The following RFTN1 variants were observed in gnomAD, a reference collection of about 807,000 sequenced individuals.
The protein encoded by RFTN1 is raftlin.
A neutral mutation model predicts 46.5 loss-of-function variants in RFTN1; 26 were observed. That is an observed-to-expected ratio of 0.56 (90% CI 0.41 to 0.78). RFTN1 has a LOEUF of 0.78. RFTN1 is among the 30% of genes least tolerant of loss of function. RFTN1 has a pLI of 0.00. For synonymous variants in RFTN1, 261 were observed against 284.2 expected (o/e 0.92, Z 0.82); for missense variants, 693 against 718.7 (o/e 0.96, Z 0.41).
chr3:16,441,426 T>C (rs1191720375), intron 2 of RFTN1, among the ~76,000 whole-genome samples: 1 of 152,218 alleles, frequency 6.6e-6, no homozygotes, highest in Admixed American at 6.5e-5. Context: ...GACTATGTTT[T>C]GTTTAGCAAA....
intron 2 of RFTN1, among the ~76,000 whole-genome samples, chr3:16,434,277 A>C (rs1181769620): frequency 6.6e-6 from 1 of 152,012 alleles, no homozygotes; most frequent in Non-Finnish European, 1.5e-5. Flanking sequence ...TAATCCCAGC[A>C]CTCTGAGAGG....
chr3:16,441,536 A>G (rs1253458379), intron 2 of RFTN1, among the ~76,000 whole-genome samples: 1 of 152,174 alleles, frequency 6.6e-6, no homozygotes, highest in Non-Finnish European at 1.5e-5. Flanking sequence ...GATTATTGGG[A>G]AAGTATCAGC....
Position 16,433,962 on chromosome 3 carries a change from T to A in RFTN1, c.221A>T (p.Gln74Leu), listed in dbSNP as rs932017170. ...DLPAQLLELY[Q>L]QGFSLAALHP... Reference sequence around the variant, plus strand: ...CAGGGCCGCCAGCGAGAAGCCCTGCTGGTACAGCTCCAGGAGCTGGGCGGG... The same window carrying A: ...CAGGGCCGCCAGCGAGAAGCCCTGCAGGTACAGCTCCAGGAGCTGGGCGGG... Residue 74 changes from glutamine (Q) to leucine (L), a missense_variant, in exon 3 of 10, where the codon CAG (glutamine) becomes CTG (leucine). Transcript: ENST00000334133. The surrounding 1 kb of genome is among the most constrained non-coding windows in gnomAD (Gnocchi z 4.4). 2 of 1,614,062 alleles carry A rather than the reference T, an allele frequency of 1.2e-6. No individual in the cohort carries two copies. The highest frequency in any genetic ancestry group is 2.7e-5 in the African/African-American group (2 of 75,044).
intron 5 of RFTN1, among the ~76,000 whole-genome samples, chr3:16,372,174 A>C (rs2073538806): frequency 6.6e-6 from 1 of 152,218 alleles, no homozygotes; most frequent in African/African-American, 2.4e-5. Context: ...AGAGGGAAGG[A>C]GTAGGAATGG....
At chr3:16,406,797 TAA>T (rs2074867944) in intron 4 of RFTN1, among the ~76,000 whole-genome samples, 3 of 152,216 alleles carry the variant, frequency 2.0e-5, no homozygotes, top group African/African-American at 7.2e-5. Flanking sequence ...GCTGTTTCAC[TAA>T]AAGTCAGTTT....
chr3:16,487,992 T>G (rs1424096958), intron 2 of RFTN1, among the ~76,000 whole-genome samples: 1 of 152,228 alleles, frequency 6.6e-6, no homozygotes, highest in Non-Finnish European at 1.5e-5. Flanking sequence ...TTCCTGCTGC[T>G]TTCGCCTCTG....
intron 4 of RFTN1, among the ~76,000 whole-genome samples, chr3:16,401,302 C>T (rs1044498968): frequency 1.4e-5 from 2 of 139,924 alleles, no homozygotes; most frequent in Non-Finnish European, 3.0e-5. Flanking sequence ...CCAGCCTGGG[C>T]AACGGAATGA....
At chr3:16,464,097 C>A (rs755455472) in intron 2 of RFTN1, among the ~76,000 whole-genome samples, 1 of 152,138 alleles carries the variant, frequency 6.6e-6, no homozygotes, top group Non-Finnish European at 1.5e-5. Flanking sequence ...ATCTTTCGAA[C>A]CTCTCGTCCC....
chr3:16,365,041 T>C (rs1195049443), intron 6 of RFTN1, among the ~76,000 whole-genome samples: 1 of 152,262 alleles, frequency 6.6e-6, no homozygotes, highest in Non-Finnish European at 1.5e-5. Flanking sequence ...AAAAGTTTTT[T>C]TAAAGGTGTC....
At position 16,480,748 on chromosome 3, in the gene RFTN1, A is replaced by T. The variant is rs1016584586; in HGVS notation, c.145+12977T>A. On this transcript the variant is annotated intron_variant, in intron 2 of 9. Transcript: ENST00000334133. The surrounding 1 kb of genome is among the most constrained non-coding windows in gnomAD (Gnocchi z 4.3). ...GAGAAAGCTTAAAATTCTTTAACGC[A>T]ATATTGCTAATAATAATTAGTAGGG... Among the ~76,000 whole-genome samples, 2 of 152,232 alleles carry T rather than the reference A, an allele frequency of 1.3e-5. No individual in the cohort carries two copies. The highest frequency in any genetic ancestry group is 4.8e-5 in the African/African-American group (2 of 41,452).
rs955215899 is a variant in RFTN1, at chr3:16,336,713, G to A, written c.1147-9837C>T. Among the ~76,000 whole-genome samples, 3 of 151,914 alleles carry A rather than the reference G, an allele frequency of 2.0e-5. No individual in the cohort carries two copies. Among genetic ancestry groups the A allele is most frequent in the African/African-American group, 7.3e-5 (3 of 41,316 alleles). Reference sequence around the variant, plus strand: ...TTCTTAGATGCAGAAAAGGGTCAGAGGAAAATACATGTAGTGCATAAAAAG... The same window carrying A: ...TTCTTAGATGCAGAAAAGGGTCAGAAGAAAATACATGTAGTGCATAAAAAG... On this transcript the variant is annotated intron_variant, in intron 7 of 9. Coordinates refer to ENST00000334133, the MANE Select transcript of RFTN1 (RefSeq NM_015150.2). The surrounding 1 kb of genome is among the most constrained non-coding windows in gnomAD (Gnocchi z 6.0).
In RFTN1 at chr3:16,361,614, AG is replaced by A. The variant is rs1434078386; in HGVS notation, c.1031-3568del. Among the ~76,000 whole-genome samples, 1 of 152,200 alleles carries A rather than the reference AG, an allele frequency of 6.6e-6. No homozygotes were observed. Among genetic ancestry groups the A allele is most frequent in the African/African-American group, 2.4e-5 (1 of 41,458 alleles). ...AAGGGACAGCCAGCCTGACATGCAGAGTGAACGAAGGACAGCCAAGGACCAG... is the reference window on the plus strand; with the variant it reads ...AAGGGACAGCCAGCCTGACATGCAGATGAACGAAGGACAGCCAAGGACCAG... On this transcript the variant is annotated intron_variant, in intron 6 of 9. Transcript: ENST00000334133. The surrounding 1 kb of genome is among the most constrained non-coding windows in gnomAD (Gnocchi z 4.3).
chr3:16,415,003 G>C (rs921659087), intron 3 of RFTN1, among the ~76,000 whole-genome samples: 1 of 152,136 alleles, frequency 6.6e-6, no homozygotes, highest in East Asian at 1.9e-4. Flanking sequence ...GTGGAACAGA[G>C]AAGTGACATG....
At chr3:16,389,249 A>G (rs1198101170) in intron 4 of RFTN1, among the ~76,000 whole-genome samples, 1 of 152,250 alleles carries the variant, frequency 6.6e-6, no homozygotes, top group Non-Finnish European at 1.5e-5. Flanking sequence ...CTCCAGACCA[A>G]CAAAAATATA....
rs1452871159 is a variant in RFTN1 at position 16,422,135 on chromosome 3, A to G, written c.332+11716T>C. ...TTAGATAGTACATAGAATTTCCAGAATTATTATGAAGCTCTCAAATAAAAT... is the reference window on the plus strand; with the variant it reads ...TTAGATAGTACATAGAATTTCCAGAGTTATTATGAAGCTCTCAAATAAAAT... On this transcript the variant is annotated intron_variant, in intron 3 of 9. Transcript: ENST00000334133. The surrounding 1 kb of genome is among the most constrained non-coding windows in gnomAD (Gnocchi z 4.6). 6.6e-6 allele frequency among the ~76,000 whole-genome samples: 1 copy of G among 152,224 alleles called. No homozygotes were observed. The highest frequency in any genetic ancestry group is 1.5e-5 in the Non-Finnish European group (1 of 68,038).
chr3:16,375,732 C>G (rs1274535379), intron 5 of RFTN1, among the ~76,000 whole-genome samples: 2 of 152,190 alleles, frequency 1.3e-5, no homozygotes, highest in African/African-American at 2.4e-5. Flanking sequence ...TTTAATCCCT[C>G]CTCCTGGCCT....
intron 2 of RFTN1, chr3:16,454,764 C>G: frequency 1.0e-6 from 1 of 985,398 alleles, no homozygotes; most frequent in Non-Finnish European, 1.2e-6. Context: ...GTCAAGGCAC[C>G]ATCTAGCACT....
chr3:16,446,491 C>G lies in RFTN1; in HGVS notation c.146-12454G>C, dbSNP rs1468806536. Reference sequence around the variant, plus strand: ...CACTTTCAGGTCACCAACTATCCTTCTCTGTCTCTGCTAGTGTGAGCAGGA... The same window carrying G: ...CACTTTCAGGTCACCAACTATCCTTGTCTGTCTCTGCTAGTGTGAGCAGGA... On this transcript the variant is annotated intron_variant, in intron 2 of 9. Transcript: ENST00000334133. This position sits in a 1 kb window ranked among gnomAD's most constrained non-coding sequence, Gnocchi z 4.5. Among the ~76,000 whole-genome samples the G allele has an allele frequency of 6.6e-6, 1 of 152,106 alleles. No individual in the cohort carries two copies. Among genetic ancestry groups the G allele is most frequent in the Non-Finnish European group, 1.5e-5 (1 of 68,032 alleles).
rs1392913109 is a variant in RFTN1, at chr3:16,336,411, G to C, written c.1147-9535C>G. On this transcript the variant is annotated intron_variant, in intron 7 of 9. Transcript: ENST00000334133. The surrounding 1 kb of genome is among the most constrained non-coding windows in gnomAD (Gnocchi z 6.0). The stretch of plus-strand genomic sequence containing the variant: ...GGGAGAAGGGAAGGGGCGACCTGCT[G>C]CTCTGTGGAGAAACAGCAAAGCCCT... 6.6e-6 allele frequency among the ~76,000 whole-genome samples: 1 copy of C among 152,218 alleles called. No homozygotes were observed. Among genetic ancestry groups the C allele is most frequent in the African/African-American group, 2.4e-5 (1 of 41,450 alleles).
Sources: gnomAD v4.1 joint callset for allele counts (sites outside exome capture counted in the v4.1 genomes callset) on GRCh38, gnomAD v4.1.1 for gene constraint, Gnocchi (gnomAD v3.1) non-coding constraint, MANE v1.5 for transcripts, NCBI Gene and HGNC (gene_info 2026-07-23, HGNC 2026-07-21) for gene names.